The following CCDC178 variants were observed in gnomAD, a reference collection of about 807,000 sequenced individuals.
CCDC178 encodes the protein coiled-coil domain-containing protein 178.
In CCDC178, 126 loss-of-function variants were observed where a neutral mutation model predicts 117.4. The observed-to-expected ratio is 1.07, with a 90% CI of 0.93 to 1.24. The LOEUF is 1.24. Ranked by LOEUF, CCDC178 falls within the 50% of genes most tolerant of loss-of-function variation. CCDC178 has a pLI of 0.00. For missense variants in CCDC178, 1,030 were observed against 986.9 expected (o/e 1.04, Z -0.59); for synonymous variants, 283 against 313.4 (o/e 0.90, Z 1.02).
At chr18:33,146,710 A>C (rs1331902894) in intron 20 of CCDC178, among the ~76,000 whole-genome samples, 1 of 152,196 alleles carries the variant, frequency 6.6e-6, no homozygotes, top group African/African-American at 2.4e-5. Context: ...GTGAAACAAA[A>C]GAGACTTTCT....
At chr18:33,332,205 T>C (rs1315886648) in intron 10 of CCDC178, among the ~76,000 whole-genome samples, 3 of 152,192 alleles carry the variant, frequency 2.0e-5, no homozygotes, top group Non-Finnish European at 2.9e-5. Context: ...CACGCATATA[T>C]ATAATTACAC....
chr18:33,321,510 C>T (rs754329579), intron 11 of CCDC178, among the ~76,000 whole-genome samples: 6 of 152,020 alleles, frequency 3.9e-5, no homozygotes, highest in Admixed American at 6.6e-5. Flanking sequence ...ATGAAATATT[C>T]AGCAACAGTG....
chr18:33,121,006 G>A (rs2057929597), intron 20 of CCDC178, among the ~76,000 whole-genome samples: 1 of 152,082 alleles, frequency 6.6e-6, no homozygotes, highest in Admixed American at 6.6e-5. Context: ...ATATATGAGT[G>A]ATAAGTTGAC....
At chr18:33,378,072 CATGAGCACGGAAT>C (rs2063388417) in intron 5 of CCDC178, among the ~76,000 whole-genome samples, 1 of 152,158 alleles carries the variant, frequency 6.6e-6, no homozygotes, top group Non-Finnish European at 1.5e-5. Flanking sequence ...TCTTTCAATC[CATGAGCACGGAAT>C]ATTTTTCCAT....
chr18:33,228,195 G>A (rs1381248328), intron 15 of CCDC178, among the ~76,000 whole-genome samples: 3 of 152,224 alleles, frequency 2.0e-5, no homozygotes, highest in Non-Finnish European at 4.4e-5. Flanking sequence ...AACCTTCCAG[G>A]TACATTAATA....
At chr18:32,987,497 T>C (rs1437436055) in intron 21 of CCDC178, among the ~76,000 whole-genome samples, 1 of 152,016 alleles carries the variant, frequency 6.6e-6, no homozygotes, top group Non-Finnish European at 1.5e-5. Flanking sequence ...CTTAATAAAC[T>C]TGATCTAGCA....
chr18:33,124,512 A>C (rs1004621327), intron 20 of CCDC178, among the ~76,000 whole-genome samples: 46 of 152,286 alleles, frequency 3.0e-4, no homozygotes, highest in Middle Eastern at 6.8e-3. Flanking sequence ...TTTTCTAGTT[A>C]CTAATACTAG....
chr18:33,299,043 C>G (rs564147400), intron 11 of CCDC178, among the ~76,000 whole-genome samples: 1 of 152,194 alleles, frequency 6.6e-6, no homozygotes, highest in African/African-American at 2.4e-5. Context: ...CCATACTACC[C>G]AAAGCAACCT....
intron 20 of CCDC178, among the ~76,000 whole-genome samples, chr18:33,181,721 G>A (rs1197158668): frequency 6.6e-6 from 1 of 151,802 alleles, no homozygotes; most frequent in Non-Finnish European, 1.5e-5. Context: ...CATTAATATA[G>A]TCTGTGTTTT....
At chr18:33,130,457 T>G (rs1452534210) in intron 20 of CCDC178, among the ~76,000 whole-genome samples, 1 of 152,030 alleles carries the variant, frequency 6.6e-6, no homozygotes, top group Admixed American at 6.6e-5. Flanking sequence ...GTATGTAGTA[T>G]TGTTGTAACT....
intron 21 of CCDC178, among the ~76,000 whole-genome samples, chr18:33,050,323 T>C (rs542044925): frequency 6.6e-6 from 1 of 152,198 alleles, no homozygotes; most frequent in African/African-American, 2.4e-5. Context: ...ATTAAATTTA[T>C]GACAGAAACC....
chr18:33,039,581 T>C (rs2056508764), intron 21 of CCDC178, among the ~76,000 whole-genome samples: 1 of 152,026 alleles, frequency 6.6e-6, no homozygotes, highest in South Asian at 2.1e-4. Context: ...GGAGAAGGCC[T>C]ATTCTGAATA....
At chr18:33,047,621 C>T (rs1229749214) in intron 21 of CCDC178, among the ~76,000 whole-genome samples, 1 of 152,134 alleles carries the variant, frequency 6.6e-6, no homozygotes, top group Non-Finnish European at 1.5e-5. Flanking sequence ...GTACTTCCAA[C>T]CTAAAATGCC....
chr18:33,295,543 T>G (rs2062096278), intron 11 of CCDC178, among the ~76,000 whole-genome samples: 2 of 152,050 alleles, frequency 1.3e-5, no homozygotes, highest in African/African-American at 4.8e-5. Flanking sequence ...ATATAACATA[T>G]CCGATTAAAA....
intron 20 of CCDC178, among the ~76,000 whole-genome samples, chr18:33,123,753 T>C (rs1466259058): frequency 6.6e-6 from 1 of 152,174 alleles, no homozygotes; most frequent in East Asian, 1.9e-4. Context: ...TGAGCCTTGT[T>C]GCCAATTTGG....
At chr18:33,229,273 T>C (rs1162182609) in intron 15 of CCDC178, among the ~76,000 whole-genome samples, 1 of 152,182 alleles carries the variant, frequency 6.6e-6, no homozygotes, top group African/African-American at 2.4e-5. Flanking sequence ...AAGGCTATCA[T>C]TCTATTTTTA....
At chr18:33,132,909 G>A (rs1006160506) in intron 20 of CCDC178, among the ~76,000 whole-genome samples, 2 of 151,726 alleles carry the variant, frequency 1.3e-5, no homozygotes, top group African/African-American at 2.4e-5. Flanking sequence ...AACAGATTTC[G>A]ATTCCCTAAC....
chr18:33,249,810 C>A (rs1395459098), intron 14 of CCDC178, among the ~76,000 whole-genome samples: 1 of 151,974 alleles, frequency 6.6e-6, no homozygotes, highest in African/African-American at 2.4e-5. Context: ...TGAAGAAAGT[C>A]CTTGGTAGCT....
At chr18:33,247,670 T>C (rs1216034909) in intron 14 of CCDC178, among the ~76,000 whole-genome samples, 1 of 151,930 alleles carries the variant, frequency 6.6e-6, no homozygotes, top group African/African-American at 2.4e-5. Context: ...TATGTTTGTG[T>C]ACACATGCAT....
Sources: gnomAD v4.1 joint callset for allele counts (sites outside exome capture counted in the v4.1 genomes callset) on GRCh38, gnomAD v4.1.1 for gene constraint, MANE v1.5 for transcripts, NCBI Gene and HGNC (gene_info 2026-07-23, HGNC 2026-07-21) for gene names.